LAMA5: variants seen among roughly 807,000 people sequenced by gnomAD.
LAMA5 encodes the protein laminin subunit alpha 5.
In LAMA5, 260 loss-of-function variants were observed where a neutral mutation model predicts 433.4. The observed-to-expected ratio is 0.60, with a 90% CI of 0.54 to 0.66. The LOEUF (loss-of-function observed/expected upper bound fraction) is 0.66, where lower values mean the gene tolerates loss of function less well. LAMA5 is among the 30% of genes least tolerant of loss of function. The pLI is 0.00. For missense variants in LAMA5, 5,378 were observed against 5,258.5 expected, an observed-to-expected ratio of 1.02 and a Z score of -0.70; for synonymous variants, 2,620 against 2,226.6, an observed-to-expected ratio of 1.18 and a Z score of -4.97.
chr20:62,338,004 C>A lies in LAMA5; in HGVS notation c.1891+12G>T. 1 of 1,595,436 alleles carries A rather than the reference C, an allele frequency of 6.3e-7. No individual in the cohort carries two copies. Among genetic ancestry groups the A allele is most frequent in the South Asian group, 1.1e-5 (1 of 89,260 alleles). On this transcript the variant is annotated intron_variant, in intron 14 of 79. Coordinates refer to ENST00000252999, the MANE Select transcript of LAMA5 (RefSeq NM_005560.6). ...GTGGCAGAACCCCTTCCTGCCCTGACCCTCTGCTCACCTTGGCAGTTGGGG... is the reference window on the plus strand; with the variant it reads ...GTGGCAGAACCCCTTCCTGCCCTGAACCTCTGCTCACCTTGGCAGTTGGGG...
At chr20:62,322,524 GCCCAT>G (rs1915478339) in intron 46 of LAMA5, 75 bp from the exon 47 acceptor site, 1 of 1,475,254 alleles carries the variant, frequency 6.8e-7, no homozygotes, top group Admixed American at 2.2e-5. Context: ...CAGGGGTCCT[GCCCAT>G]CTGGCCCCAC....
intron 20 of LAMA5, 144 bp downstream of exon 20, chr20:62,334,877 G>A: frequency 5.2e-6 from 4 of 775,980 alleles, no homozygotes; most frequent in African/African-American, 1.7e-5. Flanking sequence ...CCACACCCTG[G>A]CACAGGCTGG....
chr20:62,311,767 T>A lies in LAMA5; in HGVS notation c.9653A>T (p.Asp3218Val). Residue 3218 changes from aspartate (D) to valine (V), a missense_variant, in exon 71 of 80, where the codon GAT becomes GTT. Coordinates refer to ENST00000252999, the MANE Select transcript of LAMA5 (RefSeq NM_005560.6). ...GGGCTTCATCTGCTGGAGCTGGTCA[T>A]CGACATACAGCCAGACTCTGGGGGG... ...SNATGVWLYV[D>V]DQLQQMKPHR... 6.4e-7 allele frequency: 1 copy of A among 1,561,772 alleles called. No homozygotes were observed. Among genetic ancestry groups the A allele is most frequent in the Non-Finnish European group, 8.7e-7 (1 of 1,154,722 alleles).
At chr20:62,319,853 G>A (rs1466781435) in intron 50 of LAMA5, 58 bp from the exon 51 acceptor site, 1 of 1,379,084 alleles carries the variant, frequency 7.3e-7, no homozygotes, top group Non-Finnish European at 1.0e-6. Flanking sequence ...GGGGTGGCAA[G>A]GGAGGGCCTG....
rs763195870 is a variant in LAMA5 at position 62,320,615 on chromosome 20, C to T, written c.6703G>A (p.Val2235Met). 7.5e-6 allele frequency: 12 copies of T among 1,608,614 alleles called. No homozygotes were observed. The highest frequency in any genetic ancestry group is 3.3e-5 in the Admixed American group (2 of 59,742). ...AGGCTTGTGCTCTGCTGCTCCAGCA[C>T]CTCCAGCTGCTGTGCCGTCTCATGG... Reference protein sequence around the residue: ...PRHETAQQLEVLEQQSTSLGQ... With the variant: ...PRHETAQQLEMLEQQSTSLGQ... The change falls in exon 50 of 80, where the codon GTG becomes ATG. Residue 2235 changes from valine (V) to methionine (M), a missense_variant. Physicochemically the swap from Val to Met is conservative, Grantham distance 21. Coordinates refer to ENST00000252999, the MANE Select transcript of LAMA5 (RefSeq NM_005560.6).
chr20:62,315,076 G>A lies in LAMA5; in HGVS notation c.7999C>T (p.Leu2667=), dbSNP rs372824109. ...GCCTGGCCCAGGTCCTGGCCCCGCA[G>A]GCCCTCGTACTGGCCCTGCCACCGC... ...VERWQGQYEG[L]RGQDLGQAVL... The change falls in exon 59 of 80, where the codon CTG becomes TTG. Residue 2667 remains leucine, a synonymous_variant. Coordinates refer to ENST00000252999, the MANE Select transcript of LAMA5 (RefSeq NM_005560.6). 8.1e-6 allele frequency: 13 copies of A among 1,602,584 alleles called. No homozygotes were observed. In the Middle Eastern group the frequency reaches 8.2e-4, roughly 101 times the overall value.
chr20:62,346,055 T>G, intron 10 of LAMA5, 26 bp downstream of exon 10: 2 of 1,611,572 alleles, frequency 1.2e-6, no homozygotes, highest in Non-Finnish European at 1.7e-6. Context: ...GTGGTGTCTG[T>G]TTGGATGCCC....
intron 31 of LAMA5, among the ~76,000 whole-genome samples, 181 bp from the exon 32 acceptor site, chr20:62,330,097 C>G (rs1271246942): frequency 6.6e-6 from 1 of 152,250 alleles, no homozygotes; most frequent in Admixed American, 6.5e-5. Context: ...TTGGCCGCAT[C>G]ATGACCTACA....
In LAMA5 at chr20:62,352,320, C is replaced by T. The variant is rs375058611; in HGVS notation, c.609G>A (p.Thr203=). The change falls in exon 4 of 80, where the codon ACG becomes ACA. Residue 203 remains threonine (T), a synonymous_variant. Transcript: ENST00000252999. ...CGTCGTCCCGTGTGATGCGCTCCAG[C>T]GTCTGTGGCCCGAACCGCTCCAGAC... is the stretch of plus-strand genomic sequence containing the variant. ...RDCLERFGPQ[T]LERITRDDAA... The T allele has an allele frequency of 2.0e-5, 32 of 1,599,770 alleles. No individual in the cohort carries two copies. Among genetic ancestry groups the T allele is most frequent in the African/African-American group, 2.7e-5 (2 of 74,930 alleles).
At position 62,337,822 on chromosome 20, in the gene LAMA5, C is replaced by G. The variant is rs201258883; in HGVS notation, c.2008G>C (p.Gly670Arg). ...ACQECSPGFH[G>R]FPSCVPCHCS... ...CACTCACGGACACAGCTGGGGAAGCCGTGAAAGCCGGGGCTGCATTCCTGG... is the reference window on the plus strand; with the variant it reads ...CACTCACGGACACAGCTGGGGAAGCGGTGAAAGCCGGGGCTGCATTCCTGG... The change falls in exon 15 of 80, where the codon GGC (glycine) becomes CGC (arginine). Residue 670 changes from glycine (G) to arginine (R), a missense_variant. Physicochemically the swap from Gly to Arg is moderately radical, Grantham distance 125. Transcript: ENST00000252999. The G allele has an allele frequency of 6.2e-7, 1 of 1,612,562 alleles. No individual in the cohort carries two copies. The highest frequency in any genetic ancestry group is 1.3e-5 in the African/African-American group (1 of 74,934).
chr20:62,360,819 G>A (rs1287328963), intron 2 of LAMA5, among the ~76,000 whole-genome samples: 1 of 152,100 alleles, frequency 6.6e-6, no homozygotes. Flanking sequence ...AAAGCAAACT[G>A]GCTTCAGGCC....
rs377388914 is a variant in LAMA5, at chr20:62,328,833, G to T, written c.4447+11C>A. ...CCCTGCCACTGGGCGCCCAAGGACT[G>T]GGGTACTCACGCCTGCAGTTGGGGA... On this transcript the variant is annotated intron_variant, in intron 34 of 79. Transcript: ENST00000252999. 4.3e-6 allele frequency: 7 copies of T among 1,609,554 alleles called. No homozygotes were observed. The African/African-American group carries it at 9.4e-5, about 22-fold the overall frequency.
Position 62,316,674 on chromosome 20 carries a change from G to A in LAMA5, c.7753C>T (p.Leu2585Phe). 1.9e-6 allele frequency: 3 copies of A among 1,593,242 alleles called. No individual in the cohort carries two copies. The highest frequency in any genetic ancestry group is 1.7e-6 in the Non-Finnish European group (2 of 1,167,202). Residue 2585 changes from leucine to phenylalanine, a missense_variant, in exon 57 of 80, where the codon CTT (leucine) becomes TTT (phenylalanine). By Grantham distance (22) the Leu-to-Phe change is conservative (BLOSUM62 0). Coordinates refer to ENST00000252999, the MANE Select transcript of LAMA5 (RefSeq NM_005560.6). ...CCCATCGGAGCCCAGCACTCACCAAGGCCCAGCCTCTGCTGTTCCTGGAGC... is the reference window on the plus strand; with the variant it reads ...CCCATCGGAGCCCAGCACTCACCAAAGCCCAGCCTCTGCTGTTCCTGGAGC... ...AMLQEQQRLG[L>F]VWAALQGART...
In LAMA5 at chr20:62,313,084, G is replaced by A. The variant is rs367620860; in HGVS notation, c.8955+4C>T. The A allele has an allele frequency of 6.7e-5, 107 of 1,608,680 alleles. No homozygotes were observed. In the African/African-American group the frequency reaches 1.2e-3, roughly 18 times the overall value. On this transcript the variant is annotated splice_donor_region_variant and intron_variant, in intron 65 of 79. Transcript: ENST00000252999. ...GGATGGCAGGACGGGTGTGCCTGGC[G>A]CACCTGCTGCTTCAGGAAGAAGAGC... is the stretch of plus-strand genomic sequence containing the variant.
chr20:62,340,305 GTTTTTTTTTTTTT>G (rs34415039), intron 11 of LAMA5, among the ~76,000 whole-genome samples: 3 of 99,464 alleles, frequency 3.0e-5, no homozygotes, highest in Admixed American at 1.4e-4. Flanking sequence ...AGCCTCCTTT[GTTTTTTTTTTTTT>G]TTTTTTTTTT....
chr20:62,332,435 A>G lies in LAMA5; in HGVS notation c.3489T>C (p.Ala1163=). 1 of 1,612,814 alleles carries G rather than the reference A, an allele frequency of 6.2e-7. No homozygotes were observed. The highest frequency in any genetic ancestry group is 1.1e-5 in the South Asian group (1 of 91,088). ...GTARDTQDHL[A]VFHLDSEASV... Reference sequence around the variant, plus strand: ...TGGCCTCCGAGTCCAGGTGGAAGACAGCCAGGTGGTCCTGGGTATCCCGGG... The same window carrying G: ...TGGCCTCCGAGTCCAGGTGGAAGACGGCCAGGTGGTCCTGGGTATCCCGGG... The change falls in exon 28 of 80, where the codon GCT becomes GCC. Residue 1163 remains alanine (A), a synonymous_variant. Coordinates refer to ENST00000252999, the MANE Select transcript of LAMA5 (RefSeq NM_005560.6).
chr20:62,362,310 G>C, intron 2 of LAMA5, 90 bp downstream of exon 2: 1 of 1,277,978 alleles, frequency 7.8e-7, no homozygotes, highest in Non-Finnish European at 1.0e-6. Context: ...TCACGGTGGA[G>C]ACCTCGCCTT....
Position 62,340,305 on chromosome 20 carries a change from GTTTTTTTTTT to G in LAMA5, c.1478-1707_1478-1698del, listed in dbSNP as rs34415039. Among the ~76,000 whole-genome samples the G allele has an allele frequency of 1.1e-3, 106 of 99,468 alleles. 1 individual carries two copies. Among genetic ancestry groups the G allele is most frequent in the South Asian group, 0.01 (26 of 2,562 alleles). The allele number at this position is 99,468 out of a possible 152,430, so 65.3% of individuals were successfully genotyped here. Reference sequence around the variant, plus strand: ...AGAGCATAATGAACAAGCCTCCTTTGTTTTTTTTTTTTTTTTTTTTTTTGAAATGGAGTTT... The same window carrying G: ...AGAGCATAATGAACAAGCCTCCTTTGTTTTTTTTTTTTTGAAATGGAGTTT... On this transcript the variant is annotated intron_variant, in intron 11 of 79. Transcript: ENST00000252999.
rs199665841 is a variant in LAMA5, at chr20:62,316,897, C to T, written c.7638G>A (p.Ala2546=). 63 of 1,534,306 alleles carry T rather than the reference C, an allele frequency of 4.1e-5. No individual in the cohort carries two copies. Among genetic ancestry groups the T allele is most frequent in the African/African-American group, 2.6e-4 (19 of 73,746 alleles). ...EDAAGQALQQ[A]DHTWATVVRQ... Reference sequence around the variant, plus strand: ...GGGGCCTCACCGCCCACGTGTGGTCCGCCTGCTGCAGGGCCTGGCCAGCAG... The same window carrying T: ...GGGGCCTCACCGCCCACGTGTGGTCTGCCTGCTGCAGGGCCTGGCCAGCAG... Residue 2546 remains alanine (A), a synonymous_variant, in exon 56 of 80, where the codon GCG becomes GCA. Coordinates refer to ENST00000252999, the MANE Select transcript of LAMA5 (RefSeq NM_005560.6).
Sources: allele counts gnomAD v4.1 joint callset (sites outside exome capture counted in the v4.1 genomes callset), GRCh38; gene constraint gnomAD v4.1.1; transcripts MANE v1.5; gene names NCBI Gene and HGNC (gene_info 2026-07-23, HGNC 2026-07-21).